CTNND2: variants seen among roughly 807,000 people sequenced by gnomAD.
The protein encoded by CTNND2 is catenin delta 2, also known as catenin delta-2.
A neutral mutation model predicts 144.4 loss-of-function variants in CTNND2; 22 were observed. The ratio of observed to expected loss-of-function variants is 0.15; its 90% CI spans 0.11 to 0.22. The LOEUF (loss-of-function observed/expected upper bound fraction) is 0.22. Ranked by LOEUF, CTNND2 falls within the 10% of genes least tolerant of loss-of-function variation. The pLI, the probability that CTNND2 is intolerant of heterozygous loss-of-function variation, is 1.00. For synonymous variants in CTNND2, 751 were observed against 695.6 expected (o/e 1.08, Z -1.25); for missense variants, 1,353 against 1,618.8 (o/e 0.84, Z 2.82).
intron 15 of CTNND2, among the ~76,000 whole-genome samples, chr5:11,096,145 T>G (rs572729829): frequency 1.3e-5 from 2 of 152,184 alleles, no homozygotes; most frequent in Non-Finnish European, 2.9e-5. Flanking sequence ...CCATTCCACA[T>G]AATTTTTGTT....
At chr5:11,423,061 G>A (rs563006562) in intron 3 of CTNND2, among the ~76,000 whole-genome samples, 1 of 152,312 alleles carries the variant, frequency 6.6e-6, no homozygotes, top group African/African-American at 2.4e-5. Context: ...ATGTATCATA[G>A]TATCTTTGCC....
At chr5:11,547,221 T>C (rs1216567616) in intron 3 of CTNND2, among the ~76,000 whole-genome samples, 4 of 151,236 alleles carry the variant, frequency 2.6e-5, no homozygotes, top group African/African-American at 9.7e-5. Flanking sequence ...TGAGCCAAGA[T>C]CACGCCACCG....
chr5:11,622,696 C>A (rs73742887), intron 2 of CTNND2, among the ~76,000 whole-genome samples: 2,228 of 152,202 alleles, frequency 0.015, 55 homozygotes, highest in African/African-American at 0.051. Flanking sequence ...GGCTCAGAAG[C>A]CATTCCTACC....
chr5:11,348,560 GGAAA>G (rs996040683), intron 8 of CTNND2, among the ~76,000 whole-genome samples: 3 of 151,780 alleles, frequency 2.0e-5, no homozygotes, highest in African/African-American at 7.3e-5. Flanking sequence ...ATGGTTTTCA[GGAAA>G]GAAATAGTTT....
At chr5:11,808,776 G>T (rs1792148987) in intron 1 of CTNND2, among the ~76,000 whole-genome samples, 1 of 152,110 alleles carries the variant, frequency 6.6e-6, no homozygotes, top group Non-Finnish European at 1.5e-5. Context: ...AAGCCTGTTT[G>T]TTCAGGACCC....
intron 2 of CTNND2, among the ~76,000 whole-genome samples, chr5:11,681,831 T>A (rs188688789): frequency 1.9e-3 from 283 of 152,324 alleles, no homozygotes; most frequent in Non-Finnish European, 3.1e-3. Flanking sequence ...GCTTTGAAAA[T>A]CTACTGACCT....
intron 3 of CTNND2, among the ~76,000 whole-genome samples, chr5:11,530,862 GT>G: frequency 6.6e-6 from 1 of 152,156 alleles, no homozygotes; most frequent in East Asian, 1.9e-4. Flanking sequence ...CTTGACTGGG[GT>G]TTTTTAACTG....
At chr5:11,423,269 T>G (rs1039289704) in intron 3 of CTNND2, among the ~76,000 whole-genome samples, 9 of 152,236 alleles carry the variant, frequency 5.9e-5, no homozygotes, top group Non-Finnish European at 1.0e-4. Flanking sequence ...ACTTCTGTTT[T>G]GGTGACATTA....
At chr5:11,845,003 A>G (rs941784016) in intron 1 of CTNND2, among the ~76,000 whole-genome samples, 2 of 152,068 alleles carry the variant, frequency 1.3e-5, no homozygotes, top group Non-Finnish European at 2.9e-5. Context: ...GTGTGACTCT[A>G]ACTGGAGTCC....
intron 3 of CTNND2, among the ~76,000 whole-genome samples, chr5:11,429,351 G>A (rs1285201372): frequency 6.6e-6 from 1 of 152,052 alleles, no homozygotes; most frequent in Non-Finnish European, 1.5e-5. Context: ...GCTTCTAATT[G>A]GGGACAATTA....
intron 10 of CTNND2, among the ~76,000 whole-genome samples, chr5:11,230,424 T>A (rs985821799): frequency 1.3e-5 from 2 of 152,144 alleles, no homozygotes; most frequent in African/African-American, 4.8e-5. Flanking sequence ...AAGATGCTTA[T>A]AGTCCATACA....
At chr5:11,377,941 G>A (rs1196842537) in intron 7 of CTNND2, among the ~76,000 whole-genome samples, 1 of 152,192 alleles carries the variant, frequency 6.6e-6, no homozygotes, top group East Asian at 1.9e-4. Flanking sequence ...CCCGTAGGCA[G>A]ATGAATGCTA....
At chr5:11,028,540 C>T (rs924619817) in intron 16 of CTNND2, among the ~76,000 whole-genome samples, 16 of 152,094 alleles carry the variant, frequency 1.1e-4, no homozygotes, top group East Asian at 9.6e-4. Flanking sequence ...CAACCCTTCC[C>T]TTCAGTCCCT....
rs1271522927 is a variant in CTNND2, at chr5:11,355,730, G to A, written c.1372+8966C>T. On this transcript the variant is annotated intron_variant, in intron 8 of 21. Transcript: ENST00000304623. ...CAAAAGGCATTGAAATTGGAAAGGA[G>A]AAAGTCAAATTGTCTCTGTTTGCAG... 2.0e-5 allele frequency among the ~76,000 whole-genome samples: 3 copies of A among 152,086 alleles called. No homozygotes were observed. In the East Asian group the frequency reaches 5.8e-4, roughly 29 times the overall value.
intron 14 of CTNND2, among the ~76,000 whole-genome samples, chr5:11,100,064 T>A (rs1329047853): frequency 6.6e-6 from 1 of 152,206 alleles, no homozygotes; most frequent in Non-Finnish European, 1.5e-5. Flanking sequence ...TCTGAAAGTT[T>A]TACTGCAAGA....
At chr5:11,714,564 T>G (rs186531452) in intron 2 of CTNND2, among the ~76,000 whole-genome samples, 1 of 152,282 alleles carries the variant, frequency 6.6e-6, no homozygotes, top group East Asian at 1.9e-4. Flanking sequence ...CTTAGCCTCA[T>G]CTTCATTTTA....
At chr5:11,497,860 CCACT>C (rs1328478386) in intron 3 of CTNND2, among the ~76,000 whole-genome samples, 12 of 152,000 alleles carry the variant, frequency 7.9e-5, no homozygotes, top group Admixed American at 7.9e-4. Context: ...GCTTTGTGTC[CCACT>C]GACTATGGAC....
At position 11,110,915 on chromosome 5, in the gene CTNND2, A is replaced by G; in HGVS notation, c.2406T>C (p.Asp802=). Residue 802 remains aspartate (D), a synonymous_variant, in exon 14 of 22, where the codon GAT becomes GAC. Transcript: ENST00000304623. The part of the protein sequence containing the change: ...GLLCGEANGK[D]AESSGCWGKK... The stretch of plus-strand genomic sequence containing the variant: ...TGCCCCAGCACCCAGAGCTCTCAGC[A>G]TCCTTGCCATTGGCCTCGCCACAGA... 2 of 1,614,124 alleles carry G rather than the reference A, an allele frequency of 1.2e-6. No individual in the cohort carries two copies. The highest frequency in any genetic ancestry group is 4.5e-5 in the East Asian group (2 of 44,880).
intron 7 of CTNND2, among the ~76,000 whole-genome samples, chr5:11,380,382 A>T (rs949355956): frequency 9.2e-5 from 14 of 152,282 alleles, no homozygotes; most frequent in Admixed American, 2.6e-4. Flanking sequence ...TGAGCCAGAA[A>T]ATGTGCTAGT....
Sources: gnomAD v4.1 joint callset for allele counts (sites outside exome capture counted in the v4.1 genomes callset) on GRCh38, gnomAD v4.1.1 for gene constraint, MANE v1.5 for transcripts, NCBI Gene and HGNC (gene_info 2026-07-23, HGNC 2026-07-21) for gene names.